Variants in LRRTM4 observed in about 807,000 individuals in gnomAD.
LRRTM4 encodes leucine rich repeat transmembrane neuronal 4, also known as leucine-rich repeat transmembrane neuronal protein 4.
In LRRTM4, 25 loss-of-function variants were observed where a neutral mutation model predicts 47.6. The observed-to-expected ratio is 0.53, with a 90% CI of 0.38 to 0.73. LRRTM4 has a LOEUF of 0.73. LRRTM4 is among the 30% of genes least tolerant of loss of function. The pLI is 0.00. For missense variants in LRRTM4, 638 were observed against 713.4 expected, an observed-to-expected ratio of 0.89 and a Z score of 1.20; for synonymous variants, 311 against 269.5, an observed-to-expected ratio of 1.15 and a Z score of -1.51.
At chr2:76,762,473 C>T (rs1673293574) in intron 3 of LRRTM4, among the ~76,000 whole-genome samples, 2 of 152,202 alleles carry the variant, frequency 1.3e-5, no homozygotes, top group Non-Finnish European at 2.9e-5. Context: ...AACTACCCTT[C>T]ACCCCAAACT....
At chr2:76,879,756 T>C (rs1672876608) in intron 3 of LRRTM4, among the ~76,000 whole-genome samples, 1 of 152,192 alleles carries the variant, frequency 6.6e-6, no homozygotes, top group Admixed American at 6.5e-5. Flanking sequence ...GAAAACCTTC[T>C]GGGAAGGAAT....
intron 3 of LRRTM4, among the ~76,000 whole-genome samples, chr2:76,769,101 G>A (rs962462982): frequency 3.3e-5 from 5 of 152,060 alleles, no homozygotes; most frequent in Non-Finnish European, 7.4e-5. Context: ...GGAACAGTGG[G>A]GCTATAAAGA....
chr2:77,461,169 GT>G (rs1676774088), intron 3 of LRRTM4, among the ~76,000 whole-genome samples: 1 of 146,448 alleles, frequency 6.8e-6, no homozygotes, highest in Admixed American at 6.9e-5. Flanking sequence ...GAGAGAGAGA[GT>G]TCTATCTGCT....
chr2:76,748,654 T>G lies in LRRTM4; in HGVS notation c.*41A>C. On this transcript the variant is annotated 3_prime_UTR_variant, in exon 4 of 4. Coordinates refer to ENST00000409884, the MANE Select transcript of LRRTM4 (RefSeq NM_001134745.3). The stretch of plus-strand genomic sequence containing the variant: ...TCTCCTTTAAGATGAAGGCCCTCCC[T>G]CCCCCCCATGGAGCTCCCCAGTGAG... 202 of 704,452 alleles carry G rather than the reference T, an allele frequency of 2.9e-4. No individual in the cohort carries two copies. The highest frequency in any genetic ancestry group is 4.6e-4 in the Non-Finnish European group (183 of 397,202). The allele number at this position is 704,452 out of a possible 1,614,324, so 43.6% of individuals were successfully genotyped here.
In LRRTM4 at chr2:76,817,145, G is replaced by C. The variant is rs189465785; in HGVS notation, c.1552-68229C>G. On this transcript the variant is annotated intron_variant, in intron 3 of 3. Coordinates refer to ENST00000409884, the MANE Select transcript of LRRTM4 (RefSeq NM_001134745.3). ...GATTCAAACTGAGAGGAGGGAGAAAGAAAGATAATTTCACATGGAGAGAAC... is the reference window on the plus strand; with the variant it reads ...GATTCAAACTGAGAGGAGGGAGAAACAAAGATAATTTCACATGGAGAGAAC... 4.7e-4 allele frequency among the ~76,000 whole-genome samples: 72 copies of C among 152,034 alleles called. 3 individuals carry two copies. The East Asian group carries it at 0.013, about 27-fold the overall frequency.
At chr2:77,182,144 C>T (rs1205587600) in intron 3 of LRRTM4, among the ~76,000 whole-genome samples, 2 of 152,054 alleles carry the variant, frequency 1.3e-5, no homozygotes, top group East Asian at 1.9e-4. Flanking sequence ...CAGCACTATT[C>T]ACAAAAGCAA....
chr2:76,821,375 G>C (rs1671049243), intron 3 of LRRTM4, among the ~76,000 whole-genome samples: 1 of 151,678 alleles, frequency 6.6e-6, no homozygotes, highest in Admixed American at 6.6e-5. Flanking sequence ...GAAAGATTGA[G>C]TGCATCCCTG....
intron 3 of LRRTM4, among the ~76,000 whole-genome samples, chr2:76,979,142 C>G (rs948376952): frequency 3.9e-5 from 6 of 151,972 alleles, no homozygotes; most frequent in African/African-American, 1.4e-4. Flanking sequence ...TATAAAGATT[C>G]TAGCATTATC....
At chr2:76,917,071 G>T (rs1674276959) in intron 3 of LRRTM4, among the ~76,000 whole-genome samples, 1 of 152,094 alleles carries the variant, frequency 6.6e-6, no homozygotes, top group Non-Finnish European at 1.5e-5. Context: ...GTAGACCAGG[G>T]GTTGGCTACC....
chr2:77,168,550 G>T (rs1672954998), intron 3 of LRRTM4, among the ~76,000 whole-genome samples: 1 of 151,972 alleles, frequency 6.6e-6, no homozygotes, highest in African/African-American at 2.4e-5. Context: ...TCCTTTCTTT[G>T]TGTTAGGAAA....
intron 3 of LRRTM4, among the ~76,000 whole-genome samples, chr2:77,346,669 C>T (rs1014089326): frequency 1.3e-5 from 2 of 151,860 alleles, no homozygotes; most frequent in Admixed American, 6.6e-5. Context: ...AAAAATGTAG[C>T]GATGAGGTTT....
At chr2:76,950,566 TACTC>T (rs1407740016) in intron 3 of LRRTM4, among the ~76,000 whole-genome samples, 1 of 151,994 alleles carries the variant, frequency 6.6e-6, no homozygotes, top group African/African-American at 2.4e-5. Flanking sequence ...TCAAAATGAA[TACTC>T]ACTCATCTGC....
intron 3 of LRRTM4, among the ~76,000 whole-genome samples, chr2:76,819,396 T>C (rs1044131231): frequency 5.3e-5 from 8 of 151,688 alleles, no homozygotes; most frequent in African/African-American, 1.9e-4. Context: ...TAAAATGTGG[T>C]CAAAATAGCA....
At chr2:77,156,330 A>AC (rs1224504252) in intron 3 of LRRTM4, among the ~76,000 whole-genome samples, 6 of 151,600 alleles carry the variant, frequency 4.0e-5, no homozygotes, top group Non-Finnish European at 8.8e-5. Flanking sequence ...ACAATACAAA[A>AC]AAAAACAGAA....
At chr2:76,938,362 A>G (rs548496084) in intron 3 of LRRTM4, among the ~76,000 whole-genome samples, 4 of 150,678 alleles carry the variant, frequency 2.7e-5, no homozygotes, top group African/African-American at 9.7e-5. Flanking sequence ...ATTATGATGT[A>G]TTTTCATTTT....
At chr2:76,815,692 A>C (rs1010109079) in intron 3 of LRRTM4, among the ~76,000 whole-genome samples, 1 of 152,176 alleles carries the variant, frequency 6.6e-6, no homozygotes, top group Non-Finnish European at 1.5e-5. Context: ...GGGCAATATC[A>C]GATTGCTTTC....
chr2:77,215,692 G>T (rs531877555), intron 3 of LRRTM4, among the ~76,000 whole-genome samples: 1 of 152,140 alleles, frequency 6.6e-6, no homozygotes, highest in South Asian at 2.1e-4. Context: ...TCATAGTAGG[G>T]ACGTGCTTCA....
chr2:76,941,228 T>C (rs1420797852), intron 3 of LRRTM4, among the ~76,000 whole-genome samples: 1 of 152,194 alleles, frequency 6.6e-6, no homozygotes, highest in Admixed American at 6.5e-5. Flanking sequence ...ATTAGCAGGA[T>C]GCACACATAT....
chr2:77,188,815 G>T (rs923048083), intron 3 of LRRTM4, among the ~76,000 whole-genome samples: 26 of 152,298 alleles, frequency 1.7e-4, no homozygotes, highest in African/African-American at 6.0e-4. Context: ...GCTCAAGTCG[G>T]AAGCATGGGG....
Sources: allele counts gnomAD v4.1 joint callset (sites outside exome capture counted in the v4.1 genomes callset), GRCh38; gene constraint gnomAD v4.1.1; transcripts MANE v1.5; gene names NCBI Gene and HGNC (gene_info 2026-07-23, HGNC 2026-07-21).